Variants in FBXW7 observed in about 807,000 individuals in gnomAD.
FBXW7 encodes F-box/WD repeat-containing protein 7.
Under a neutral mutation model 86.3 loss-of-function variants are expected in FBXW7, and 11 were observed. The observed-to-expected ratio is 0.13, with a 90% CI of 0.08 to 0.21. FBXW7 has a LOEUF of 0.21. Ranked by LOEUF, FBXW7 falls within the 10% of genes least tolerant of loss-of-function variation. The pLI is 1.00. For missense variants in FBXW7, 488 were observed against 847.4 expected, an observed-to-expected ratio of 0.58 and a Z score of 5.27; for synonymous variants, 313 against 297.9, an observed-to-expected ratio of 1.05 and a Z score of -0.52.
At position 152,506,429 on chromosome 4, in the gene FBXW7, C is replaced by T. The variant is rs1405500692; in HGVS notation, c.-120+28512G>A. 3.9e-5 allele frequency among the ~76,000 whole-genome samples: 6 copies of T among 152,338 alleles called. No homozygotes were observed. The East Asian group carries it at 7.7e-4, about 20-fold the overall frequency. ...TATAGGCGTGAGCCACCGCGCCCGG[C>T]CATGTGCTATACTTTCAGACGACTG... is the stretch of plus-strand genomic sequence containing the variant. On this transcript the variant is annotated intron_variant, in intron 2 of 13. Transcript: ENST00000281708.
chr4:152,404,482 C>CAT (rs1452796958), intron 4 of FBXW7, among the ~76,000 whole-genome samples: 7 of 152,112 alleles, frequency 4.6e-5, no homozygotes, highest in African/African-American at 1.4e-4. Flanking sequence ...TACACACACA[C>CAT]ATATATAAAA....
In FBXW7 at chr4:152,535,360, G is replaced by A. The variant is rs1034507666; in HGVS notation, c.-446C>T. The A allele has an allele frequency of 1.1e-5, 4 of 372,084 alleles. No homozygotes were observed. Among genetic ancestry groups the A allele is most frequent in the Admixed American group, 4.6e-5 (1 of 21,750 alleles). 23.0% of individuals were successfully genotyped at this position (372,084 alleles called of 1,614,324 possible). ...CGGAGTCCAGCCAAGGAGCCGGGGG[G>A]CCGGCGACTGGCCAAGGGAGAAGAC... is the stretch of plus-strand genomic sequence containing the variant. On this transcript the variant is annotated 5_prime_UTR_variant, in exon 1 of 14. Transcript: ENST00000281708.
At chr4:152,450,132 T>C (rs1741778866) in intron 2 of FBXW7, among the ~76,000 whole-genome samples, 2 of 152,236 alleles carry the variant, frequency 1.3e-5, no homozygotes, top group South Asian at 2.1e-4. Context: ...CACTGCCCTT[T>C]TGATATTCAT....
chr4:152,429,132 T>C (rs974770515), intron 2 of FBXW7, among the ~76,000 whole-genome samples: 4 of 152,060 alleles, frequency 2.6e-5, no homozygotes, highest in African/African-American at 4.8e-5. Flanking sequence ...GGAGGTTGTG[T>C]TGAGCCGAGA....
chr4:152,504,866 C>T (rs7694164), intron 2 of FBXW7, among the ~76,000 whole-genome samples: 13,753 of 152,030 alleles, frequency 0.09, 1,347 homozygotes, highest in African/African-American at 0.25. Flanking sequence ...CTCCATCAGG[C>T]TAAATATCTT....
intron 4 of FBXW7, among the ~76,000 whole-genome samples, chr4:152,396,218 CCT>C (rs1736407765): frequency 6.6e-6 from 1 of 151,846 alleles, no homozygotes; most frequent in Non-Finnish European, 1.5e-5. Flanking sequence ...TTTTTCCAAA[CCT>C]CTGACTTCTG....
intron 2 of FBXW7, among the ~76,000 whole-genome samples, chr4:152,500,521 CTTT>C (rs937109841): frequency 4.3e-5 from 5 of 115,896 alleles, no homozygotes; most frequent in African/African-American, 1.7e-4. Flanking sequence ...AAAAAAAAAA[CTTT>C]AAAAAAATTA....
chr4:152,423,678 A>G (rs962129067), intron 2 of FBXW7, among the ~76,000 whole-genome samples: 1 of 152,230 alleles, frequency 6.6e-6, no homozygotes, highest in Non-Finnish European at 1.5e-5. Flanking sequence ...AGCTAACAAT[A>G]TAGACAAATT....
At chr4:152,412,997 C>T (rs1738106727) in intron 2 of FBXW7, among the ~76,000 whole-genome samples, 1 of 152,026 alleles carries the variant, frequency 6.6e-6, no homozygotes, top group Non-Finnish European at 1.5e-5. Context: ...TTATCCTTTG[C>T]TGGTATCTAT....
chr4:152,469,193 T>A (rs1357736129), intron 2 of FBXW7, among the ~76,000 whole-genome samples: 2 of 152,098 alleles, frequency 1.3e-5, no homozygotes, highest in African/African-American at 4.8e-5. Context: ...GCCTATACTA[T>A]GACACCTCAT....
chr4:152,518,563 C>G (rs1748719341), intron 2 of FBXW7, among the ~76,000 whole-genome samples: 1 of 152,188 alleles, frequency 6.6e-6, no homozygotes, highest in African/African-American at 2.4e-5. Context: ...TCTCGAGTAA[C>G]TGGGATTATA....
intron 6 of FBXW7, among the ~76,000 whole-genome samples, chr4:152,339,234 T>C (rs911637777): frequency 1.3e-5 from 2 of 152,222 alleles, no homozygotes; most frequent in African/African-American, 4.8e-5. Flanking sequence ...TACAAATACA[T>C]GTATCCAGAA....
intron 4 of FBXW7, among the ~76,000 whole-genome samples, chr4:152,406,234 A>G (rs1350544164): frequency 2.0e-5 from 3 of 152,192 alleles, no homozygotes; most frequent in Admixed American, 1.3e-4. Flanking sequence ...GAATGCTATA[A>G]AACAATTTTA....
chr4:152,407,712 T>C (rs1737547609), intron 4 of FBXW7, among the ~76,000 whole-genome samples: 1 of 152,084 alleles, frequency 6.6e-6, no homozygotes, highest in African/African-American at 2.4e-5. Context: ...ACTAGATGCT[T>C]CTCCACACCT....
rs1438074251 is a variant in FBXW7, at chr4:152,461,202, G to A, written c.-119-48673C>T. 2.6e-5 allele frequency among the ~76,000 whole-genome samples: 4 copies of A among 152,068 alleles called. No homozygotes were observed. The South Asian group carries it at 6.2e-4, about 24-fold the overall frequency. ...CAGGAGGCGGAGGTTGTGGTGAGCCGAGATCGCACCACTGCACTCCAGCCT... is the reference window on the plus strand; with the variant it reads ...CAGGAGGCGGAGGTTGTGGTGAGCCAAGATCGCACCACTGCACTCCAGCCT... On this transcript the variant is annotated intron_variant, in intron 2 of 13. Coordinates refer to ENST00000281708, the MANE Select transcript of FBXW7 (RefSeq NM_001349798.2).
chr4:152,372,848 T>C (rs1407223747), intron 4 of FBXW7, among the ~76,000 whole-genome samples: 2 of 152,002 alleles, frequency 1.3e-5, no homozygotes, highest in Non-Finnish European at 2.9e-5. Flanking sequence ...GTTTCCATAG[T>C]GTAGTTACAG....
chr4:152,397,967 T>A (rs1210787268), intron 4 of FBXW7, among the ~76,000 whole-genome samples: 1 of 151,976 alleles, frequency 6.6e-6, no homozygotes, highest in Non-Finnish European at 1.5e-5. Flanking sequence ...AAAGCATACT[T>A]ATACTTCCAA....
chr4:152,519,225 G>A (rs1748783476), intron 2 of FBXW7, among the ~76,000 whole-genome samples: 1 of 152,152 alleles, frequency 6.6e-6, no homozygotes, highest in Middle Eastern at 3.2e-3. Context: ...GTGAATCCGG[G>A]AGGCAGAGCT....
chr4:152,406,046 T>C (rs1475631925), intron 4 of FBXW7, among the ~76,000 whole-genome samples: 1 of 152,216 alleles, frequency 6.6e-6, no homozygotes, highest in African/African-American at 2.4e-5. Flanking sequence ...TCTATTCCTA[T>C]GTCCTTTTTC....
Sources: allele counts gnomAD v4.1 joint callset (sites outside exome capture counted in the v4.1 genomes callset), GRCh38; gene constraint gnomAD v4.1.1; transcripts MANE v1.5; gene names NCBI Gene and HGNC (gene_info 2026-07-23, HGNC 2026-07-21).